RSAD2: variants seen among roughly 807,000 people sequenced by gnomAD.
RSAD2 encodes radical S-adenosyl methionine domain containing 2.
Under a neutral mutation model 37.7 loss-of-function variants are expected in RSAD2, and 38 were observed. That is an observed-to-expected ratio of 1.01 (90% CI 0.78 to 1.32). The LOEUF is 1.32. RSAD2 is among the 40% of genes most tolerant of loss of function. The pLI, the probability that RSAD2 is intolerant of heterozygous loss-of-function variation, is 0.00. For synonymous variants in RSAD2, 163 were observed against 157.4 expected, an observed-to-expected ratio of 1.04 and a Z score of -0.27; for missense variants, 428 against 437.5, an observed-to-expected ratio of 0.98 and a Z score of 0.19.
chr2:6,865,960 G>T, exon 1 of RSAD2: 1 of 1,180,718 alleles, frequency 8.5e-7, no homozygotes, highest in Non-Finnish European at 1.1e-6. Flanking sequence ...GGGGCCCCAG[G>T]TGCGCGGCTC....
chr2:6,867,668 A>G (rs1033016625), intron 1 of RSAD2, among the ~76,000 whole-genome samples: 4 of 152,122 alleles, frequency 2.6e-5, no homozygotes, highest in South Asian at 2.1e-4. Context: ...GTGCCAGTCT[A>G]TTTCCCACCA....
chr2:6,877,616 T>C, upstream of RSAD2: 1 of 593,106 alleles, frequency 1.7e-6, no homozygotes, highest in Non-Finnish European at 3.0e-6. Flanking sequence ...GTCTTCAGTC[T>C]TGGCCCTGTT....
chr2:6,894,944 G>T (rs143228898), intron 5 of RSAD2, among the ~76,000 whole-genome samples: 1 of 152,326 alleles, frequency 6.6e-6, no homozygotes, highest in East Asian at 1.9e-4. Flanking sequence ...ATTTTGACCA[G>T]CATCCCTCAA....
chr2:6,871,616 C>T (rs1203659874), intron 1 of RSAD2, among the ~76,000 whole-genome samples: 2 of 152,188 alleles, frequency 1.3e-5, no homozygotes, highest in Non-Finnish European at 2.9e-5. Flanking sequence ...ATCTAACTGT[C>T]TTCTAAACAA....
rs1285999169 is a variant in RSAD2 at position 6,896,391 on chromosome 2, A to G, written c.*449A>G. 1 of 152,812 alleles carries G rather than the reference A, an allele frequency of 6.5e-6. No homozygotes were observed. The highest frequency in any genetic ancestry group is 2.4e-5 in the African/African-American group (1 of 41,442). 9.5% of individuals were successfully genotyped at this position (152,812 alleles called of 1,614,324 possible). The stretch of plus-strand genomic sequence containing the variant: ...AAACAATGTTTACTGCGATTTCTAT[A>G]TTTCCATTTTGAAACTATTTCTTGT... On this transcript the variant is annotated 3_prime_UTR_variant, in exon 6 of 6. Coordinates refer to ENST00000382040, the MANE Select transcript of RSAD2 (RefSeq NM_080657.5).
At chr2:6,885,942 T>C (rs1261499555) in intron 2 of RSAD2, among the ~76,000 whole-genome samples, 1 of 152,218 alleles carries the variant, frequency 6.6e-6, no homozygotes, top group Non-Finnish European at 1.5e-5. Flanking sequence ...ATGCTAGATA[T>C]TTTGAGGGCG....
upstream of RSAD2, among the ~76,000 whole-genome samples, chr2:6,874,585 A>G (rs1041531017): frequency 6.6e-6 from 1 of 152,234 alleles, no homozygotes; most frequent in Non-Finnish European, 1.5e-5. Context: ...AATCAGCTAT[A>G]GCCCAAAATT....
chr2:6,876,318 C>G (rs1332082582), upstream of RSAD2, among the ~76,000 whole-genome samples: 3 of 152,114 alleles, frequency 2.0e-5, no homozygotes. Context: ...GCATTTGGAG[C>G]CTCTTTAAGA....
chr2:6,871,155 A>G (rs1355474978), intron 1 of RSAD2, among the ~76,000 whole-genome samples: 1 of 152,228 alleles, frequency 6.6e-6, no homozygotes, highest in Admixed American at 6.5e-5. Flanking sequence ...AAATAACTAC[A>G]AAGTGAGTGA....
chr2:6,867,539 G>A (rs2122104), intron 1 of RSAD2, among the ~76,000 whole-genome samples: 136,322 of 152,228 alleles, frequency 0.9, 61,353 homozygotes, highest in East Asian at 1. Context: ...CTAGGCCTGA[G>A]CATGAATTTT....
upstream of RSAD2, among the ~76,000 whole-genome samples, chr2:6,875,451 C>G (rs958197530): frequency 1.3e-5 from 2 of 152,188 alleles, no homozygotes; most frequent in Admixed American, 1.3e-4. Context: ...AGCATGCTTT[C>G]CATGGACCCT....
At chr2:6,885,165 A>G (rs544256510) in intron 2 of RSAD2, among the ~76,000 whole-genome samples, 1 of 152,304 alleles carries the variant, frequency 6.6e-6, no homozygotes, top group Non-Finnish European at 1.5e-5. Context: ...ATATCACCAG[A>G]GTCCAGAGAG....
chr2:6,870,844 G>A (rs1663191418), intron 1 of RSAD2, among the ~76,000 whole-genome samples: 1 of 152,180 alleles, frequency 6.6e-6, no homozygotes, highest in African/African-American at 2.4e-5. Context: ...CAATGAGTAG[G>A]CCATGCTTTC....
At chr2:6,879,023 C>A in intron 1 of RSAD2, 1 of 459,912 alleles carries the variant, frequency 2.2e-6, no homozygotes, top group Non-Finnish European at 4.3e-6. Context: ...GTGCATGCTG[C>A]ACTCCAGCCA....
At chr2:6,879,775 T>C (rs1663364213) in intron 1 of RSAD2, among the ~76,000 whole-genome samples, 1 of 152,094 alleles carries the variant, frequency 6.6e-6, no homozygotes, top group African/African-American at 2.4e-5. Context: ...TAGAAAGTAA[T>C]AGAGGCTTAA....
intron 1 of RSAD2, among the ~76,000 whole-genome samples, chr2:6,871,835 A>G (rs1336967713): frequency 6.6e-6 from 1 of 152,240 alleles, no homozygotes; most frequent in Non-Finnish European, 1.5e-5. Context: ...TTTTAGGTGG[A>G]TAAGACTAGT....
At chr2:6,894,651 G>T (rs567695667) in intron 5 of RSAD2, among the ~76,000 whole-genome samples, 59 of 152,248 alleles carry the variant, frequency 3.9e-4, no homozygotes, top group African/African-American at 1.3e-3. Flanking sequence ...TGTATTTTTT[G>T]TAGAGATTGG....
At position 6,893,664 on chromosome 2, in the gene RSAD2, T is replaced by G; in HGVS notation, c.889-7T>G. On this transcript the variant is annotated splice_polypyrimidine_tract_variant and splice_region_variant and intron_variant, in intron 4 of 5. Coordinates refer to ENST00000382040, the MANE Select transcript of RSAD2 (RefSeq NM_080657.5). Reference sequence around the variant, plus strand: ...AAACTAAATTTGTATTAACTTCTCCTTTGCAGATGAAAGACTCCTACCTTA... The same window carrying G: ...AAACTAAATTTGTATTAACTTCTCCGTTGCAGATGAAAGACTCCTACCTTA... The G allele has an allele frequency of 6.2e-7, 1 of 1,606,306 alleles. No individual in the cohort carries two copies. The highest frequency in any genetic ancestry group is 8.5e-7 in the Non-Finnish European group (1 of 1,173,060).
At chr2:6,865,996 C>G in exon 1 of RSAD2, 1 of 713,226 alleles carries the variant, frequency 1.4e-6, no homozygotes, top group South Asian at 2.2e-5. Flanking sequence ...TCCCCAGGCG[C>G]CGGCTCCCGG....
Sources: gnomAD v4.1 joint callset for allele counts (sites outside exome capture counted in the v4.1 genomes callset) on GRCh38, gnomAD v4.1.1 for gene constraint, MANE v1.5 for transcripts, NCBI Gene and HGNC (gene_info 2026-07-23, HGNC 2026-07-21) for gene names.